PDE4D: variants seen among roughly 807,000 people sequenced by gnomAD.
PDE4D encodes the protein phosphodiesterase 4D.
In PDE4D, 24 loss-of-function variants were observed where a neutral mutation model predicts 87.4. That is an observed-to-expected ratio of 0.27 (90% CI 0.20 to 0.39). The LOEUF (loss-of-function observed/expected upper bound fraction) is 0.39. PDE4D is among the 10% of genes least tolerant of loss of function. The pLI is 1.00. For synonymous variants in PDE4D, 384 were observed against 383.2 expected (o/e 1.00, Z -0.02); for missense variants, 714 against 1,041.0 (o/e 0.69, Z 4.32).
intron 5 of PDE4D, among the ~76,000 whole-genome samples, chr5:59,164,405 C>G (rs1174926835): frequency 4.6e-5 from 7 of 152,152 alleles, no homozygotes; most frequent in African/African-American, 1.7e-4. Flanking sequence ...ACTAGTATTT[C>G]TTTTTTAGTT....
intron 1 of PDE4D, among the ~76,000 whole-genome samples, chr5:59,642,800 A>G (rs935211782): frequency 6.8e-5 from 9 of 132,004 alleles, no homozygotes; most frequent in African/African-American, 2.0e-4. Flanking sequence ...TAACCACGAG[A>G]AGTCTTATAA....
intron 2 of PDE4D, among the ~76,000 whole-genome samples, chr5:60,174,438 T>G (rs936065290): frequency 7.2e-5 from 11 of 151,950 alleles, no homozygotes; most frequent in Non-Finnish European, 1.6e-4. Flanking sequence ...GAAGAGAGAT[T>G]AGCTAAATTG....
At chr5:60,474,150 A>G (rs1329888292) in intron 1 of PDE4D, among the ~76,000 whole-genome samples, 42 of 96,394 alleles carry the variant, frequency 4.4e-4, no homozygotes, top group Non-Finnish European at 5.9e-4. Flanking sequence ...ATATATATAT[A>G]ACAAAAACCT....
chr5:59,707,017 C>T (rs1753512552), intron 1 of PDE4D, among the ~76,000 whole-genome samples: 1 of 152,132 alleles, frequency 6.6e-6, no homozygotes, highest in Non-Finnish European at 1.5e-5. Flanking sequence ...AGAACATCAG[C>T]AAGATAGCAG....
chr5:59,853,551 C>T (rs574812776), intron 1 of PDE4D, among the ~76,000 whole-genome samples: 132 of 151,968 alleles, frequency 8.7e-4, no homozygotes, highest in Middle Eastern at 3.4e-3. Flanking sequence ...TTTATATTTT[C>T]GTCTAATTTA....
intron 1 of PDE4D, among the ~76,000 whole-genome samples, chr5:59,800,294 A>G (rs1766969719): frequency 1.3e-5 from 2 of 152,118 alleles, no homozygotes; most frequent in South Asian, 4.1e-4. Context: ...GAGAACTACA[A>G]AAGCTCGCAA....
chr5:59,104,677 G>C (rs1198348282), intron 5 of PDE4D, among the ~76,000 whole-genome samples: 1 of 151,854 alleles, frequency 6.6e-6, no homozygotes, highest in African/African-American at 2.4e-5. Flanking sequence ...GGGGGAACTA[G>C]GAAGAAAAGG....
chr5:59,315,035 G>A (rs1773436234), intron 1 of PDE4D, among the ~76,000 whole-genome samples: 1 of 152,088 alleles, frequency 6.6e-6, no homozygotes, highest in African/African-American at 2.4e-5. Flanking sequence ...CGTGTGTGGG[G>A]GCTTGGAATC....
At chr5:60,411,763 T>C (rs1207871544) in intron 1 of PDE4D, among the ~76,000 whole-genome samples, 3 of 152,078 alleles carry the variant, frequency 2.0e-5, no homozygotes, top group East Asian at 3.8e-4. Flanking sequence ...AAGTTAGAAA[T>C]ATATTTTTCT....
intron 1 of PDE4D, among the ~76,000 whole-genome samples, chr5:59,526,034 C>A (rs541440441): frequency 1.3e-5 from 2 of 152,248 alleles, no homozygotes; most frequent in East Asian, 1.9e-4. Context: ...ACATTTTCAT[C>A]TTTTGAGAAT....
chr5:59,023,189 A>G lies in PDE4D; in HGVS notation c.921+15670T>C, dbSNP rs200825386. ...GACTCTAACTCAAGGAAAAAAAAAA[A>G]AGAGAGAGAGAGAGAAAATACAACC... On this transcript the variant is annotated intron_variant, in intron 6 of 14. Transcript: ENST00000340635. Among the ~76,000 whole-genome samples the G allele has an allele frequency of 7.3e-5, 11 of 150,346 alleles. 1 individual carries two copies. The highest frequency in any genetic ancestry group is 4.0e-4 in the East Asian group (2 of 4,942).
intron 1 of PDE4D, among the ~76,000 whole-genome samples, chr5:59,629,443 C>T (rs558922759): frequency 1.8e-4 from 28 of 151,654 alleles, no homozygotes; most frequent in African/African-American, 6.3e-4. Flanking sequence ...GAAATTTGGA[C>T]ACAGAGACAT....
At chr5:60,398,308 G>C (rs1029864213) in intron 1 of PDE4D, among the ~76,000 whole-genome samples, 20 of 152,206 alleles carry the variant, frequency 1.3e-4, no homozygotes, top group African/African-American at 4.8e-4. Context: ...AGTGGTCAGA[G>C]CTATAATGAT....
At chr5:60,329,271 C>T (rs917493012) in intron 1 of PDE4D, among the ~76,000 whole-genome samples, 1 of 152,130 alleles carries the variant, frequency 6.6e-6, no homozygotes, top group African/African-American at 2.4e-5. Flanking sequence ...CCATGCAGTT[C>T]TTATAATGGT....
intron 1 of PDE4D, among the ~76,000 whole-genome samples, chr5:60,293,446 G>A (rs1436308230): frequency 1.3e-5 from 2 of 152,030 alleles, no homozygotes; most frequent in African/African-American, 2.4e-5. Flanking sequence ...CCTGAGAGGC[G>A]GAGGTTGCAG....
At chr5:59,178,944 G>A (rs895635679) in intron 5 of PDE4D, among the ~76,000 whole-genome samples, 1 of 152,074 alleles carries the variant, frequency 6.6e-6, no homozygotes, top group Non-Finnish European at 1.5e-5. Flanking sequence ...ATAAATGTAG[G>A]CCTGTCCATT....
intron 2 of PDE4D, among the ~76,000 whole-genome samples, chr5:60,099,326 C>A (rs1324021718): frequency 6.6e-6 from 1 of 151,852 alleles, no homozygotes; most frequent in Non-Finnish European, 1.5e-5. Context: ...CCTCACTAAT[C>A]TAGACATCCA....
intron 5 of PDE4D, among the ~76,000 whole-genome samples, chr5:59,170,625 T>C (rs571250606): frequency 1.3e-5 from 2 of 152,308 alleles, no homozygotes; most frequent in Non-Finnish European, 2.9e-5. Flanking sequence ...TTAAGTTCAA[T>C]TCAATATACA....
intron 5 of PDE4D, among the ~76,000 whole-genome samples, chr5:59,076,894 A>C (rs537138288): frequency 6.6e-6 from 1 of 152,298 alleles, no homozygotes; most frequent in South Asian, 2.1e-4. Flanking sequence ...TATCTAATAA[A>C]AGATACCACA....
Sources: gnomAD v4.1 joint callset for allele counts (sites outside exome capture counted in the v4.1 genomes callset) on GRCh38, gnomAD v4.1.1 for gene constraint, MANE v1.5 for transcripts, NCBI Gene and HGNC (gene_info 2026-07-23, HGNC 2026-07-21) for gene names.